The following CERS6 variants were observed in gnomAD, a reference collection of about 807,000 sequenced individuals.
CERS6 encodes the protein ceramide synthase 6, also known as LAG1 homolog, ceramide synthase 6.
Under a neutral mutation model 56.8 loss-of-function variants are expected in CERS6, and 26 were observed. That is an observed-to-expected ratio of 0.46 (90% CI 0.34 to 0.63). CERS6 has a LOEUF of 0.63. Ranked by LOEUF, CERS6 falls within the 30% of genes least tolerant of loss-of-function variation. CERS6 has a pLI of 0.01. For synonymous variants in CERS6, 164 were observed against 173.3 expected (o/e 0.95, Z 0.42); for missense variants, 415 against 467.5 (o/e 0.89, Z 1.04).
chr2:168,491,487 G>GT (rs202067193), intron 1 of CERS6, among the ~76,000 whole-genome samples: 173 of 146,724 alleles, frequency 1.2e-3, no homozygotes, highest in Non-Finnish European at 2.1e-3. Flanking sequence ...TCTAATCTTT[G>GT]TTTTTTTTTC....
intron 1 of CERS6, among the ~76,000 whole-genome samples, chr2:168,521,985 C>G (rs1370491575): frequency 1.3e-5 from 2 of 152,112 alleles, no homozygotes; most frequent in Non-Finnish European, 2.9e-5. Context: ...CATTGAAAGC[C>G]TATTTTTGTA....
intron 4 of CERS6, among the ~76,000 whole-genome samples, chr2:168,634,074 AC>A (rs1379015253): frequency 6.6e-6 from 1 of 152,190 alleles, no homozygotes; most frequent in African/African-American, 2.4e-5. Flanking sequence ...TTTAATAAGC[AC>A]CTATTCTACC....
chr2:168,688,415 CA>C (rs55913069), intron 4 of CERS6, among the ~76,000 whole-genome samples: 6,378 of 135,322 alleles, frequency 0.047, 374 homozygotes, highest in African/African-American at 0.16. Context: ...GACTCCGTCT[CA>C]AAAAAAAAAA....
rs1694022066 is a variant in CERS6 at position 168,473,903 on chromosome 2, A to G, written c.170+17285A>G. Among the ~76,000 whole-genome samples the G allele has an allele frequency of 2.6e-5, 4 of 152,164 alleles. No individual in the cohort carries two copies. The South Asian group carries it at 8.3e-4, about 32-fold the overall frequency. On this transcript the variant is annotated intron_variant, in intron 1 of 9. Coordinates refer to ENST00000305747, the MANE Select transcript of CERS6 (RefSeq NM_203463.3). ...TGGAAAGATAAAGTTTGTTTAAAAC[A>G]TGAATGATGCCAGGTGTGGTGGCAC...
At position 168,765,629 on chromosome 2, in the gene CERS6, G is replaced by T. The variant is rs758828764; in HGVS notation, c.883G>T (p.Val295Phe). The T allele has an allele frequency of 1.2e-6, 2 of 1,614,064 alleles. No individual in the cohort carries two copies. Among genetic ancestry groups the T allele is most frequent in the South Asian group, 2.2e-5 (2 of 91,050 alleles). ...CACATTATTTGAAAGCTGGGAGATC[G>T]TTGGACCTTACCCTTCCTGGTGGGT... Reference protein sequence around the residue: ...NTTLFESWEIVGPYPSWWVFN... With the variant: ...NTTLFESWEIFGPYPSWWVFN... The change falls in exon 9 of 10, where the codon GTT becomes TTT. Residue 295 changes from valine (V) to phenylalanine (F), a missense_variant. Physicochemically the swap from Val to Phe is conservative, Grantham distance 50 (BLOSUM62 -1). Transcript: ENST00000305747.
At chr2:168,519,408 T>C (rs998461995) in intron 1 of CERS6, among the ~76,000 whole-genome samples, 1 of 152,192 alleles carries the variant, frequency 6.6e-6, no homozygotes, top group Non-Finnish European at 1.5e-5. Flanking sequence ...GGGATACATG[T>C]ACAGTTTTGT....
At chr2:168,697,515 G>A (rs1489065973) in intron 6 of CERS6, among the ~76,000 whole-genome samples, 2 of 149,556 alleles carry the variant, frequency 1.3e-5, no homozygotes, top group African/African-American at 2.4e-5. Flanking sequence ...AGGTAGTCAC[G>A]TAAAACTCTT....
chr2:168,502,548 T>C (rs1446255429), intron 1 of CERS6, among the ~76,000 whole-genome samples: 3 of 152,196 alleles, frequency 2.0e-5, no homozygotes, highest in African/African-American at 7.2e-5. Context: ...ACTTTGATAT[T>C]GGCTAGGGCT....
chr2:168,773,544 G>C lies in CERS6; in HGVS notation c.*3882G>C, dbSNP rs919769863. ...AGCCTGCTGGAAAAGTGATCACATG[G>C]CAGTTGCAGTAACTTGTATGGAAAG... is the stretch of plus-strand genomic sequence containing the variant. On this transcript the variant is annotated 3_prime_UTR_variant, in exon 10 of 10. Transcript: ENST00000305747. The C allele has an allele frequency of 6.6e-6, 1 of 152,134 alleles. No homozygotes were observed. Among genetic ancestry groups the C allele is most frequent in the African/African-American group, 2.4e-5 (1 of 41,414 alleles). The allele number at this position is 152,134 out of a possible 1,614,324, so 9.4% of individuals were successfully genotyped here.
chr2:168,582,324 A>G (rs1574079648), intron 3 of CERS6, among the ~76,000 whole-genome samples: 1 of 152,166 alleles, frequency 6.6e-6, no homozygotes, highest in East Asian at 1.9e-4. Context: ...CATGGTGGAG[A>G]TGCCTTTGGG....
intron 1 of CERS6, among the ~76,000 whole-genome samples, chr2:168,472,305 A>G (rs1390393710): frequency 6.6e-6 from 1 of 152,210 alleles, no homozygotes; most frequent in Non-Finnish European, 1.5e-5. Context: ...TGTGTTCATT[A>G]ATCAGAACAG....
chr2:168,554,642 A>G (rs1695642418), intron 2 of CERS6, among the ~76,000 whole-genome samples: 2 of 152,206 alleles, frequency 1.3e-5, no homozygotes, highest in African/African-American at 4.8e-5. Flanking sequence ...AACAGCCTCC[A>G]GAACCATGAG....
At chr2:168,723,590 T>C (rs1226827487) in intron 8 of CERS6, among the ~76,000 whole-genome samples, 1 of 152,230 alleles carries the variant, frequency 6.6e-6, no homozygotes, top group Non-Finnish European at 1.5e-5. Flanking sequence ...TTCTTCAAAA[T>C]GTAGTTTTCT....
At chr2:168,653,925 C>T (rs759676105) in intron 4 of CERS6, among the ~76,000 whole-genome samples, 1 of 152,100 alleles carries the variant, frequency 6.6e-6, no homozygotes, top group Non-Finnish European at 1.5e-5. Flanking sequence ...AAAGAAAGGA[C>T]CTTGGGCTGA....
At chr2:168,741,813 C>G (rs959555473) in intron 8 of CERS6, among the ~76,000 whole-genome samples, 1 of 152,184 alleles carries the variant, frequency 6.6e-6, no homozygotes. Context: ...ATGTGGAGAG[C>G]AGTAACAGTA....
rs149045351 is a variant in CERS6, at chr2:168,659,748, G to A, written c.465+28706G>A. Among the ~76,000 whole-genome samples, 14 of 151,888 alleles carry A rather than the reference G, an allele frequency of 9.2e-5. No individual in the cohort carries two copies. In the East Asian group the frequency reaches 2.7e-3, roughly 29 times the overall value. On this transcript the variant is annotated intron_variant, in intron 4 of 9. Coordinates refer to ENST00000305747, the MANE Select transcript of CERS6 (RefSeq NM_203463.3). ...GAACTCTTTGCAAAGTTGGATGGTGGCTTGGCTTGGTCATTACAATGTCCC... is the reference window on the plus strand; with the variant it reads ...GAACTCTTTGCAAAGTTGGATGGTGACTTGGCTTGGTCATTACAATGTCCC...
At chr2:168,654,636 T>G (rs1407057533) in intron 4 of CERS6, among the ~76,000 whole-genome samples, 1 of 152,234 alleles carries the variant, frequency 6.6e-6, no homozygotes, top group Non-Finnish European at 1.5e-5. Flanking sequence ...TTGGCCATGT[T>G]GAATCATGTT....
chr2:168,724,391 C>T (rs537135644), intron 8 of CERS6, among the ~76,000 whole-genome samples: 32 of 152,232 alleles, frequency 2.1e-4, no homozygotes, highest in Admixed American at 1.2e-3. Flanking sequence ...AAAGCTTCCA[C>T]AGTGTGGAAG....
intron 8 of CERS6, among the ~76,000 whole-genome samples, chr2:168,732,366 T>G (rs1044065768): frequency 5.9e-5 from 9 of 152,358 alleles, no homozygotes; most frequent in African/African-American, 2.2e-4. Flanking sequence ...TGCTGGTGCC[T>G]CTTGCAGTTC....
Sources: gnomAD v4.1 joint callset for allele counts (sites outside exome capture counted in the v4.1 genomes callset) on GRCh38, gnomAD v4.1.1 for gene constraint, MANE v1.5 for transcripts, NCBI Gene and HGNC (gene_info 2026-07-23, HGNC 2026-07-21) for gene names.